PGM2: variants seen among roughly 807,000 people sequenced by gnomAD.
PGM2 encodes the protein phosphoglucomutase 2.
PGM2 carries 57 observed loss-of-function variants against 74.6 expected under a neutral mutation model. That is an observed-to-expected ratio of 0.76 (90% CI 0.62 to 0.95). The LOEUF is 0.95. Among genes scored for constraint, PGM2 ranks in the 40% least tolerant of loss-of-function variants. PGM2 has a pLI of 0.00. For synonymous variants in PGM2, 273 were observed against 260.7 expected (o/e 1.05, Z -0.46); for missense variants, 706 against 741.9 (o/e 0.95, Z 0.56).
intron 3 of PGM2, 120 bp downstream of exon 3, chr4:37,834,844 CAA>C (rs1725525951): frequency 4.1e-6 from 2 of 485,456 alleles, no homozygotes; most frequent in Admixed American, 8.0e-5. Flanking sequence ...ACTGTAAAAA[CAA>C]TGGGTAAATT....
chr4:37,855,460 G>T, intron 12 of PGM2, 148 bp from the exon 13 acceptor site: 1 of 631,792 alleles, frequency 1.6e-6, no homozygotes. Context: ...TCATTCATGT[G>T]GAGTACATTT....
chr4:37,844,318 C>A, intron 6 of PGM2, 46 bp from the exon 7 acceptor site: 2 of 1,271,988 alleles, frequency 1.6e-6, no homozygotes, highest in Non-Finnish European at 2.2e-6. Flanking sequence ...GTTTTGAGAG[C>A]CCTGTTTCTG....
In PGM2 at chr4:37,840,181, G is replaced by A. The variant is rs756905605; in HGVS notation, c.641G>A (p.Ser214Asn). The A allele has an allele frequency of 1.2e-5, 19 of 1,612,418 alleles. No individual in the cohort carries two copies. The highest frequency in any genetic ancestry group is 6.7e-5 in the Admixed American group (4 of 59,994). Residue 214 changes from serine to asparagine, a missense_variant, in exon 6 of 14, where the codon AGC (serine) becomes AAC (asparagine). This residue lies in a region of PGM2 where 332 missense variants were observed against 334.9 expected (regional missense o/e 0.99). Transcript: ENST00000381967. ...GCTTGGGACGATTCTTTAATTGATA[G>A]CAGTCCACTTCTCCACAATCCGAGT... The part of the protein sequence containing the change: ...PQAWDDSLID[S>N]SPLLHNPSAS...
intron 3 of PGM2, among the ~76,000 whole-genome samples, chr4:37,836,322 T>C (rs1010512162): frequency 6.6e-6 from 1 of 152,220 alleles, no homozygotes; most frequent in African/African-American, 2.4e-5. Context: ...GTGAGACATT[T>C]AGAGATCATA....
intron 6 of PGM2, among the ~76,000 whole-genome samples, chr4:37,841,428 C>G (rs1365346566): frequency 6.6e-6 from 1 of 151,968 alleles, no homozygotes; most frequent in Non-Finnish European, 1.5e-5. Flanking sequence ...ACCACTGATT[C>G]AAAGAAACTG....
intron 12 of PGM2, 95 bp downstream of exon 12, chr4:37,850,468 G>C: frequency 1.3e-6 from 1 of 760,220 alleles, no homozygotes; most frequent in Non-Finnish European, 2.0e-6. Flanking sequence ...AATTGAAGCT[G>C]ATTTTAGGCA....
chr4:37,842,144 C>A lies in PGM2; in HGVS notation c.719+1885C>A, dbSNP rs1401326827. Reference sequence around the variant, plus strand: ...GTTCACCTTTTATATTTATAAACATCTTTGTTTATAATATATATACATATA... The same window carrying A: ...GTTCACCTTTTATATTTATAAACATATTTGTTTATAATATATATACATATA... On this transcript the variant is annotated intron_variant, in intron 6 of 13. Transcript: ENST00000381967. 2.7e-5 allele frequency among the ~76,000 whole-genome samples: 4 copies of A among 149,310 alleles called. No homozygotes were observed. In the East Asian group the frequency reaches 7.8e-4, roughly 29 times the overall value.
rs1202149456 is a variant in PGM2, at chr4:37,841,100, A to ATATATATATATATGTG, written c.719+842_719+843insATATATATATATGTGT. On this transcript the variant is annotated intron_variant, in intron 6 of 13. Transcript: ENST00000381967. ...TATATATATATATATATATATATATATGTGTGTGTGTGTGTTTGTATATGT... is the reference window on the plus strand; with the variant it reads ...TATATATATATATATATATATATATATATATATATATATGTGTGTGTGTGTGTGTGTTTGTATATGT... Among the ~76,000 whole-genome samples, 16 of 115,748 alleles carry ATATATATATATATGTG rather than the reference A, an allele frequency of 1.4e-4. No homozygotes were observed. In the East Asian group the frequency reaches 4.8e-3, roughly 35 times the overall value. The allele number at this position is 115,748 out of a possible 152,430, so 75.9% of individuals were successfully genotyped here.
In PGM2 at chr4:37,842,514, T is replaced by C. The variant is rs141227369; in HGVS notation, c.720-1850T>C. Among the ~76,000 whole-genome samples, 714 of 151,664 alleles carry C rather than the reference T, an allele frequency of 4.7e-3. 9 individuals carry two copies. The highest frequency in any genetic ancestry group is 0.016 in the African/African-American group (662 of 41,418). ...GCAGATTAGATTTTTTTCTAAAAGGTTTGCAGTTGTACCAACATCAATGGA... is the reference window on the plus strand; with the variant it reads ...GCAGATTAGATTTTTTTCTAAAAGGCTTGCAGTTGTACCAACATCAATGGA... On this transcript the variant is annotated intron_variant, in intron 6 of 13. Transcript: ENST00000381967.
At chr4:37,851,978 T>TTTTTTTTTTTTTTTG (rs1434216572) in intron 12 of PGM2, among the ~76,000 whole-genome samples, 10 of 147,776 alleles carry the variant, frequency 6.8e-5, no homozygotes, top group African/African-American at 7.6e-5. Context: ...TTCTTTTTTT[T>TTTTTTTTTTTTTTTG]TGGAGACAGG....
chr4:37,834,423 A>G (rs1039119150), intron 2 of PGM2, among the ~76,000 whole-genome samples, 195 bp from the exon 3 acceptor site: 18 of 152,180 alleles, frequency 1.2e-4, no homozygotes, highest in Non-Finnish European at 1.3e-4. Flanking sequence ...ACAGTGCCCA[A>G]TACAAAAACA....
chr4:37,835,164 AT>A (rs1725536925), intron 3 of PGM2, among the ~76,000 whole-genome samples: 1 of 152,200 alleles, frequency 6.6e-6, no homozygotes, highest in Admixed American at 6.5e-5. Flanking sequence ...AATAGCAGCA[AT>A]CATTTGAGTG....
At chr4:37,843,498 C>T (rs1191815448) in intron 6 of PGM2, among the ~76,000 whole-genome samples, 2 of 151,992 alleles carry the variant, frequency 1.3e-5, no homozygotes, top group Non-Finnish European at 2.9e-5. Context: ...TGTAACTTCT[C>T]CTGTTAATTT....
At chr4:37,856,151 C>T (rs943059971) in intron 13 of PGM2, among the ~76,000 whole-genome samples, 8 of 151,992 alleles carry the variant, frequency 5.3e-5, no homozygotes, top group African/African-American at 1.7e-4. Context: ...TTTGGGAGGC[C>T]GAGGCAGGCG....
chr4:37,855,573 C>T, intron 12 of PGM2, 35 bp from the exon 13 acceptor site: 2 of 1,589,952 alleles, frequency 1.3e-6, no homozygotes, highest in South Asian at 1.1e-5. Flanking sequence ...CAGAATGTTA[C>T]TATTTAAATT....
chr4:37,850,990 CA>C (rs34801450), intron 12 of PGM2, among the ~76,000 whole-genome samples: 4 of 107,330 alleles, frequency 3.7e-5, no homozygotes, highest in Non-Finnish European at 5.3e-5. Context: ...GACTTCATCT[CA>C]AAAAAAAAAA....
chr4:37,860,805 C>A (rs780388444), intron 13 of PGM2, among the ~76,000 whole-genome samples: 1 of 152,142 alleles, frequency 6.6e-6, no homozygotes, highest in African/African-American at 2.4e-5. Context: ...TGTTACTTAA[C>A]CTTTCAAATG....
Position 37,829,980 on chromosome 4 carries a change from A to G in PGM2, c.98A>G (p.Glu33Gly). ...GTTTTTCAGAATTCCTTAACTTTGG[A>G]GGCAGTGAAACGACTAATAGCAGAA... ...LRWDKNSLTL[E>G]AVKRLIAEGN... Residue 33 changes from glutamate to glycine, a missense_variant, in exon 2 of 14, where the codon GAG becomes GGG. Transcript: ENST00000381967. 6.3e-7 allele frequency: 1 copy of G among 1,598,858 alleles called. No individual in the cohort carries two copies. The highest frequency in any genetic ancestry group is 1.1e-5 in the South Asian group (1 of 87,884).
intron 10 of PGM2, 60 bp from the exon 11 acceptor site, chr4:37,848,462 T>TGGAC: frequency 6.9e-7 from 1 of 1,447,850 alleles, no homozygotes; most frequent in Non-Finnish European, 9.5e-7. Context: ...CCAGGATTCA[T>TGGAC]ACTCATATGT....
Sources: allele counts gnomAD v4.1 joint callset (sites outside exome capture counted in the v4.1 genomes callset), GRCh38; gene constraint gnomAD v4.1.1; regional missense constraint gnomAD v4.1.1; transcripts MANE v1.5; gene names NCBI Gene and HGNC (gene_info 2026-07-23, HGNC 2026-07-21).